The following NCEH1 variants were observed in gnomAD, a reference collection of about 807,000 sequenced individuals.
NCEH1 encodes neutral cholesterol ester hydrolase 1, also known as 2-acetyl MAGE hydrolase.
In NCEH1, 9 loss-of-function variants were observed where a neutral mutation model predicts 25.4. The ratio of observed to expected loss-of-function variants is 0.35; its 90% CI spans 0.21 to 0.62. The LOEUF (loss-of-function observed/expected upper bound fraction) is 0.62, where lower values mean the gene tolerates loss of function less well. Among genes scored for constraint, NCEH1 ranks in the 20% least tolerant of loss-of-function variants. NCEH1 has a pLI of 0.72. For missense variants in NCEH1, 412 were observed against 501.1 expected, an observed-to-expected ratio of 0.82 and a Z score of 1.70; for synonymous variants, 200 against 199.8, an observed-to-expected ratio of 1.00 and a Z score of -0.01.
intron 3 of NCEH1, among the ~76,000 whole-genome samples, chr3:172,637,973 G>A (rs2108489257): frequency 6.6e-6 from 1 of 152,252 alleles, no homozygotes; most frequent in Admixed American, 6.5e-5. Flanking sequence ...CTTGAACCCA[G>A]GAAGTGGAAG....
rs902720003 is a variant in NCEH1 at position 172,630,786 on chromosome 3, C to T, written c.*2689G>A. ...CATTCATAAAATCTACCTTCCCCTT[C>T]GTAGTGGGAAATAAGCAAAGTCAAA... On this transcript the variant is annotated 3_prime_UTR_variant, in exon 5 of 5. Coordinates refer to ENST00000475381, the MANE Select transcript of NCEH1 (RefSeq NM_020792.6). 10 of 152,008 alleles carry T rather than the reference C, an allele frequency of 6.6e-5. No homozygotes were observed. Among genetic ancestry groups the T allele is most frequent in the Non-Finnish European group, 1.3e-4 (9 of 68,002 alleles). 9.4% of individuals were successfully genotyped at this position (152,008 alleles called of 1,614,324 possible). A position where few individuals can be genotyped will look rare whatever the true frequency, so the allele number is the denominator to read the frequency against.
intron 1 of NCEH1, among the ~76,000 whole-genome samples, chr3:172,697,074 C>T (rs1713417234): frequency 6.6e-6 from 1 of 151,678 alleles, no homozygotes; most frequent in African/African-American, 2.4e-5. Flanking sequence ...ACAGGTGCGC[C>T]CCACCATGCC....
intron 1 of NCEH1, among the ~76,000 whole-genome samples, chr3:172,674,559 A>C (rs1216282696): frequency 7.0e-6 from 1 of 142,716 alleles, no homozygotes; most frequent in East Asian, 2.0e-4. Context: ...GCTACCAAAT[A>C]GTAGAACTTC....
At chr3:172,650,812 G>GAAAAA (rs768170518) in intron 1 of NCEH1, among the ~76,000 whole-genome samples, 1 of 35,906 alleles carries the variant, frequency 2.8e-5, no homozygotes, top group Non-Finnish European at 5.6e-5. Flanking sequence ...ACTCTGCCTC[G>GAAAAA]AAAAAAAAAA....
At chr3:172,683,926 T>C (rs1712550786) in intron 1 of NCEH1, among the ~76,000 whole-genome samples, 1 of 152,244 alleles carries the variant, frequency 6.6e-6, no homozygotes, top group South Asian at 2.1e-4. Flanking sequence ...TATCAAACAT[T>C]TTCCTCCTCT....
intron 1 of NCEH1, among the ~76,000 whole-genome samples, chr3:172,698,868 C>T (rs1049949137): frequency 6.6e-6 from 1 of 152,186 alleles, no homozygotes; most frequent in Non-Finnish European, 1.5e-5. Context: ...CTGCCCCTTG[C>T]GACAGACGCG....
intron 1 of NCEH1, among the ~76,000 whole-genome samples, chr3:172,709,093 T>C (rs1028096276): frequency 6.6e-6 from 1 of 152,222 alleles, no homozygotes; most frequent in Non-Finnish European, 1.5e-5. Context: ...TTACACCCAC[T>C]ATCATTCCCA....
chr3:172,650,030 T>C (rs1162277725), intron 1 of NCEH1, among the ~76,000 whole-genome samples: 2 of 152,252 alleles, frequency 1.3e-5, no homozygotes, highest in Non-Finnish European at 2.9e-5. Context: ...ACCTCGAGTT[T>C]CCTTTATGTA....
Position 172,633,958 on chromosome 3 carries a change from C to G in NCEH1, c.744G>C (p.Met248Ile). The G allele has an allele frequency of 6.2e-7, 1 of 1,614,176 alleles. No homozygotes were observed. Among genetic ancestry groups the G allele is most frequent in the African/African-American group, 1.3e-5 (1 of 75,028 alleles). ...VNTPILPRYV[M>I]VKYWVDYFKG... ...TGAAGTAGTCCACCCAATACTTCAC[C>G]ATGACATAGCGGGGCAGGATTGGGG... The change falls in exon 5 of 5, where the codon ATG becomes ATC. Residue 248 changes from methionine (M) to isoleucine (I), a missense_variant. This residue lies in a region of NCEH1 where 210 missense variants were observed against 258.2 expected (regional missense o/e 0.81). Coordinates refer to ENST00000475381, the MANE Select transcript of NCEH1 (RefSeq NM_020792.6).
At chr3:172,699,978 T>C (rs1465167720) in intron 1 of NCEH1, among the ~76,000 whole-genome samples, 1 of 152,152 alleles carries the variant, frequency 6.6e-6, no homozygotes, top group Non-Finnish European at 1.5e-5. Flanking sequence ...ACATGTAACT[T>C]GGGGACTATC....
chr3:172,676,794 C>G (rs989902872), intron 1 of NCEH1, among the ~76,000 whole-genome samples: 14 of 152,180 alleles, frequency 9.2e-5, no homozygotes, highest in African/African-American at 3.4e-4. Context: ...CTCTCTTGGT[C>G]CTATTCTTGT....
chr3:172,659,961 A>G (rs965888873), intron 1 of NCEH1, among the ~76,000 whole-genome samples: 4 of 152,034 alleles, frequency 2.6e-5, no homozygotes, highest in African/African-American at 9.7e-5. Flanking sequence ...TTTTCTTTTA[A>G]TAAAAGCAAC....
chr3:172,637,595 A>C (rs1716650645), intron 3 of NCEH1, among the ~76,000 whole-genome samples: 1 of 151,846 alleles, frequency 6.6e-6, no homozygotes, highest in Non-Finnish European at 1.5e-5. Context: ...TCTACTAAAA[A>C]TACAAAAAAA....
rs564862908 is a variant in NCEH1 at position 172,659,546 on chromosome 3, G to A, written c.139-11432C>T. On this transcript the variant is annotated intron_variant, in intron 1 of 4. Transcript: ENST00000475381. ...CCTCCTTGGTGTCTGTGAGTGGCCC[G>A]GTCCCCTAGCTGTGCAGCCAGGCAA... 3.2e-4 allele frequency among the ~76,000 whole-genome samples: 49 copies of A among 152,228 alleles called. No individual in the cohort carries two copies. The South Asian group carries it at 3.3e-3, about 10-fold the overall frequency.
chr3:172,645,599 C>A, intron 3 of NCEH1, 24 bp downstream of exon 3: 1 of 1,496,594 alleles, frequency 6.7e-7, no homozygotes, highest in Non-Finnish European at 9.2e-7. Flanking sequence ...GAAAAATTTT[C>A]TATGACTAGC....
intron 1 of NCEH1, among the ~76,000 whole-genome samples, chr3:172,705,507 G>C (rs1018561499): frequency 2.0e-5 from 3 of 152,204 alleles, no homozygotes; most frequent in Admixed American, 2.0e-4. Context: ...GGGGGAAGAC[G>C]TCAAGTGACA....
intron 1 of NCEH1, among the ~76,000 whole-genome samples, chr3:172,686,181 C>CT (rs1273020251): frequency 2.0e-5 from 3 of 152,186 alleles, no homozygotes; most frequent in African/African-American, 7.2e-5. Flanking sequence ...AAGGCCTTGC[C>CT]TAGCCCCCTT....
rs143545429 is a variant in NCEH1 at position 172,679,841 on chromosome 3, G to A, written c.138+31006C>T. Among the ~76,000 whole-genome samples the A allele has an allele frequency of 1.7e-3, 253 of 152,146 alleles. 2 individuals are homozygous for A. The highest frequency in any genetic ancestry group is 6.8e-3 in the Middle Eastern group (2 of 294). On this transcript the variant is annotated intron_variant, in intron 1 of 4. Transcript: ENST00000475381. ...TGGCCGCCTCCAGATAACACCATGT[G>A]TTCAAACATCATAGTGAACCACCTT... is the stretch of plus-strand genomic sequence containing the variant.
intron 1 of NCEH1, among the ~76,000 whole-genome samples, chr3:172,654,552 G>T (rs538427689): frequency 4.6e-5 from 7 of 152,282 alleles, no homozygotes; most frequent in African/African-American, 1.7e-4. Flanking sequence ...TCCTGAAATT[G>T]TTGCAGGTTA....
Sources: gnomAD v4.1 joint callset for allele counts (sites outside exome capture counted in the v4.1 genomes callset) on GRCh38, gnomAD v4.1.1 for gene constraint, gnomAD v4.1.1 regional missense constraint, MANE v1.5 for transcripts, NCBI Gene and HGNC (gene_info 2026-07-23, HGNC 2026-07-21) for gene names.